Variants in SLC7A6OS observed in about 807,000 individuals in gnomAD.
The protein encoded by SLC7A6OS is probable RNA polymerase II nuclear localization protein SLC7A6OS.
In SLC7A6OS, 22 loss-of-function variants were observed where a neutral mutation model predicts 34.3. That is an observed-to-expected ratio of 0.64 (90% CI 0.46 to 0.92). The LOEUF (loss-of-function observed/expected upper bound fraction) is 0.92. SLC7A6OS is among the 40% of genes least tolerant of loss of function. The pLI, the probability that SLC7A6OS is intolerant of heterozygous loss-of-function variation, is 0.00. For missense variants in SLC7A6OS, 434 were observed against 407.7 expected, an observed-to-expected ratio of 1.06 and a Z score of -0.56; for synonymous variants, 199 against 165.0, an observed-to-expected ratio of 1.21 and a Z score of -1.58.
chr16:68,310,056 T>A (rs2043424902), intron 2 of SLC7A6OS, among the ~76,000 whole-genome samples: 2 of 152,168 alleles, frequency 1.3e-5, no homozygotes, highest in African/African-American at 4.8e-5. Context: ...CCTCCTTACA[T>A]CCCTTATCAT....
chr16:68,308,449 G>A (rs953709600), intron 2 of SLC7A6OS, among the ~76,000 whole-genome samples: 2 of 151,346 alleles, frequency 1.3e-5, no homozygotes, highest in African/African-American at 4.8e-5. Flanking sequence ...CCAAGGTGGC[G>A]AAACCCCGTC....
intron 4 of SLC7A6OS, chr16:68,302,133 A>G: frequency 2.1e-6 from 1 of 481,036 alleles, no homozygotes; most frequent in Non-Finnish European, 3.7e-6. Context: ...AGGTGAAGTA[A>G]CTGCCCAAGA....
intron 4 of SLC7A6OS, 168 bp from the exon 5 acceptor site, chr16:68,301,573 C>T: frequency 1.9e-6 from 1 of 531,380 alleles, no homozygotes; most frequent in Non-Finnish European, 3.1e-6. Flanking sequence ...GAAGGAATCA[C>T]TTTCCTATCA....
intron 3 of SLC7A6OS, 82 bp from the exon 4 acceptor site, chr16:68,302,583 G>T: frequency 1.3e-6 from 2 of 1,556,266 alleles, no homozygotes; most frequent in Non-Finnish European, 1.8e-6. Flanking sequence ...ATACCAGCTT[G>T]AAGAGATATC....
rs1387474775 is a variant in SLC7A6OS at position 68,301,295 on chromosome 16, G to T, written c.910C>A (p.His304Asn). The T allele has an allele frequency of 9.3e-6, 15 of 1,613,880 alleles. No homozygotes were observed. Among genetic ancestry groups the T allele is most frequent in the Admixed American group, 3.3e-5 (2 of 60,006 alleles). ...GACCATCAGTCTGAATCCAGGTCGT[G>T]GGGGCTGTCATAGCCGAACTCCTTC... Reference protein sequence around the residue: ...VQKEFGYDSPHDLDSD With the variant: ...VQKEFGYDSPNDLDSD The change falls in exon 5 of 5, where the codon CAC (histidine) becomes AAC (asparagine). Residue 304 changes from histidine to asparagine, a missense_variant. His to Asn is a moderately conservative substitution (Grantham distance 68). Coordinates refer to ENST00000263997, the MANE Select transcript of SLC7A6OS (RefSeq NM_032178.3).
In SLC7A6OS at chr16:68,310,404, C is replaced by T; in HGVS notation, c.402G>A (p.Ser134=). ...GGACAAGGTCTAACAACTGAAAGCC[C>T]GAGTTCCCGGCGGCTTCTGGGTTCC... is the stretch of plus-strand genomic sequence containing the variant. The part of the protein sequence containing the change: ...TPGNPEAAGN[S]GFQLLDLVHE... The change falls in exon 2 of 5, where the codon TCG becomes TCA. Residue 134 remains serine (S), a synonymous_variant. Coordinates refer to ENST00000263997, the MANE Select transcript of SLC7A6OS (RefSeq NM_032178.3). 6.2e-7 allele frequency: 1 copy of T among 1,611,894 alleles called. No homozygotes were observed. The highest frequency in any genetic ancestry group is 8.5e-7 in the Non-Finnish European group (1 of 1,179,338).
intron 2 of SLC7A6OS, among the ~76,000 whole-genome samples, chr16:68,310,077 TGA>T (rs1207137881): frequency 3.3e-5 from 5 of 152,334 alleles, no homozygotes; most frequent in Admixed American, 1.3e-4. Context: ...CATCTGACAC[TGA>T]ATAGACTTGT....
intron 3 of SLC7A6OS, 21 bp from the exon 4 acceptor site, chr16:68,302,522 A>AT (rs936218562): frequency 1.2e-6 from 2 of 1,613,768 alleles, no homozygotes; most frequent in African/African-American, 2.7e-5. Flanking sequence ...CAACACAAAC[A>AT]TGAGTCCAAG....
chr16:68,302,245 A>G (rs2043288588), intron 4 of SLC7A6OS, 136 bp downstream of exon 4: 2 of 980,866 alleles, frequency 2.0e-6, no homozygotes, highest in Non-Finnish European at 1.5e-6. Context: ...GGTCTCCTAC[A>G]GCATGGCTCA....
rs1766931546 is a variant in SLC7A6OS, at chr16:68,298,637, G to GAT, written c.*2636_*2637dup. 6.6e-6 allele frequency: 1 copy of GAT among 152,250 alleles called. No homozygotes were observed. Among genetic ancestry groups the GAT allele is most frequent in the African/African-American group, 2.4e-5 (1 of 41,442 alleles). 9.4% of individuals were successfully genotyped at this position (152,250 alleles called of 1,614,324 possible). A position where few individuals can be genotyped will look rare whatever the true frequency, so the allele number is the denominator to read the frequency against. ...GGGACTTCTGTTTTCTCCCTGTGGA[G>GAT]ATCAGTGAAGACTGGGAGGAAAGCT... On this transcript the variant is annotated 3_prime_UTR_variant, in exon 5 of 5. Transcript: ENST00000263997.
In SLC7A6OS at chr16:68,302,470, T is replaced by C; in HGVS notation, c.710A>G (p.Tyr237Cys). ...VNDDQEPEDI[Y>C]DDEDDENSEN... The stretch of plus-strand genomic sequence containing the variant: ...ACTGTTCTCGTCATCTTCATCGTCG[T>C]AAATGTCCTCTGGTTCTTGATCATC... Residue 237 changes from tyrosine to cysteine, a missense_variant, in exon 4 of 5, where the codon TAC becomes TGC. By Grantham distance (194) the Tyr-to-Cys change is radical (BLOSUM62 -2). Coordinates refer to ENST00000263997, the MANE Select transcript of SLC7A6OS (RefSeq NM_032178.3). 1 of 1,614,198 alleles carries C rather than the reference T, an allele frequency of 6.2e-7. No homozygotes were observed. Among genetic ancestry groups the C allele is most frequent in the Non-Finnish European group, 8.5e-7 (1 of 1,180,028 alleles).
intron 2 of SLC7A6OS, among the ~76,000 whole-genome samples, chr16:68,306,816 C>T (rs1002542708): frequency 7.6e-6 from 1 of 131,866 alleles, no homozygotes; most frequent in Non-Finnish European, 1.6e-5. Flanking sequence ...AAGTCTATGT[C>T]CATGTGTATT....
At chr16:68,309,101 GTTT>G (rs757280888) in intron 2 of SLC7A6OS, among the ~76,000 whole-genome samples, 1 of 146,798 alleles carries the variant, frequency 6.8e-6, no homozygotes, top group Non-Finnish European at 1.5e-5. Context: ...GAATTTTCTG[GTTT>G]TTTTTTTAGA....
At chr16:68,306,227 T>A (rs918637715) in intron 2 of SLC7A6OS, among the ~76,000 whole-genome samples, 13 of 152,232 alleles carry the variant, frequency 8.5e-5, no homozygotes, top group African/African-American at 2.9e-4. Context: ...ATTATTTTTT[T>A]TCTTTTTTGA....
In SLC7A6OS at chr16:68,310,760, T is replaced by G; in HGVS notation, c.167A>C (p.His56Pro). The G allele has an allele frequency of 6.2e-7, 1 of 1,611,910 alleles. No homozygotes were observed. The highest frequency in any genetic ancestry group is 1.1e-5 in the South Asian group (1 of 90,882). The change falls in exon 1 of 5, where the codon CAC becomes CCC. Residue 56 changes from histidine to proline, a missense_variant. Coordinates refer to ENST00000263997, the MANE Select transcript of SLC7A6OS (RefSeq NM_032178.3). ...CTGGGAGCACACAGTGGCCACCAAG[T>G]GGAAGACATTATTCTCCGCCGCTCT... ...LERAAENNVF[H>P]LVATVCSQEE...
intron 2 of SLC7A6OS, among the ~76,000 whole-genome samples, chr16:68,308,943 T>G (rs544418764): frequency 1.3e-5 from 2 of 151,860 alleles, no homozygotes; most frequent in East Asian, 3.9e-4. Flanking sequence ...TCCCAGCTAT[T>G]TGGGAGGCTG....
Position 68,301,355 on chromosome 16 carries a change from G to C in SLC7A6OS, c.850C>G (p.Gln284Glu). 2 of 1,614,172 alleles carry C rather than the reference G, an allele frequency of 1.2e-6. No individual in the cohort carries two copies. Among genetic ancestry groups the C allele is most frequent in the Non-Finnish European group, 1.7e-6 (2 of 1,180,016 alleles). ...AGAGGGTACTTGCTCCACATCCGCT[G>C]TCTGCTGCTGCCTCTTTCCTCCTCA... is the stretch of plus-strand genomic sequence containing the variant. ...LSEEERGSSRQRMWSKYPLDV... is the reference protein window; with the variant it reads ...LSEEERGSSRERMWSKYPLDV... Residue 284 changes from glutamine to glutamate, a missense_variant, in exon 5 of 5, where the codon CAG (glutamine) becomes GAG (glutamate). Physicochemically the swap from Gln to Glu is conservative, Grantham distance 29. Coordinates refer to ENST00000263997, the MANE Select transcript of SLC7A6OS (RefSeq NM_032178.3).
intron 3 of SLC7A6OS, 100 bp downstream of exon 3, chr16:68,303,926 G>A (rs1390426158): frequency 2.8e-6 from 3 of 1,077,384 alleles, no homozygotes; most frequent in East Asian, 2.4e-5. Flanking sequence ...AAGAACTAAG[G>A]ACAATGTTGT....
rs746076964 is a variant in SLC7A6OS, at chr16:68,300,057, T to G, written c.*1218A>C. On this transcript the variant is annotated 3_prime_UTR_variant, in exon 5 of 5. Transcript: ENST00000263997. The stretch of plus-strand genomic sequence containing the variant: ...ACTCACCTTCCCCCATGACAGTGAG[T>G]AAGAGACACTCACAGGCTATGAGGG... The G allele has an allele frequency of 6.6e-6, 1 of 152,042 alleles. No individual in the cohort carries two copies. The highest frequency in any genetic ancestry group is 1.5e-5 in the Non-Finnish European group (1 of 68,020). 9.4% of individuals were successfully genotyped at this position (152,042 alleles called of 1,614,324 possible).
Sources: allele counts gnomAD v4.1 joint callset (sites outside exome capture counted in the v4.1 genomes callset), GRCh38; gene constraint gnomAD v4.1.1; transcripts MANE v1.5; gene names NCBI Gene and HGNC (gene_info 2026-07-23, HGNC 2026-07-21).